SPHKAP: variants seen among roughly 807,000 people sequenced by gnomAD.
SPHKAP encodes SPHK1 interactor, AKAP domain containing, also known as A-kinase anchor protein SPHKAP.
A neutral mutation model predicts 137.5 loss-of-function variants in SPHKAP; 67 were observed. That is an observed-to-expected ratio of 0.49 (90% CI 0.40 to 0.60). The LOEUF (loss-of-function observed/expected upper bound fraction) is 0.60. Among genes scored for constraint, SPHKAP ranks in the 20% least tolerant of loss-of-function variants. SPHKAP has a pLI of 0.00. For synonymous variants in SPHKAP, 813 were observed against 785.3 expected, an observed-to-expected ratio of 1.04 and a Z score of -0.59; for missense variants, 2,097 against 2,069.3, an observed-to-expected ratio of 1.01 and a Z score of -0.26.
chr2:228,089,054 T>C (rs187107566), intron 3 of SPHKAP, among the ~76,000 whole-genome samples: 143 of 152,302 alleles, frequency 9.4e-4, no homozygotes, highest in African/African-American at 3.3e-3. Flanking sequence ...GTGGGAAAAG[T>C]TGAGAGGGCT....
intron 1 of SPHKAP, among the ~76,000 whole-genome samples, chr2:228,151,134 CCATGTGTTCT>C (rs1559201744): frequency 6.8e-6 from 1 of 147,596 alleles, no homozygotes; most frequent in East Asian, 2.1e-4. Flanking sequence ...CTTCCTGTGT[CCATGTGTTCT>C]CATTGTTCTA....
chr2:228,111,528 A>G (rs923941868), intron 2 of SPHKAP, among the ~76,000 whole-genome samples: 2 of 152,192 alleles, frequency 1.3e-5, no homozygotes, highest in African/African-American at 4.8e-5. Context: ...AATTTTCTTT[A>G]GCAAATATTC....
intron 3 of SPHKAP, among the ~76,000 whole-genome samples, chr2:228,099,516 TG>T (rs1416596847): frequency 6.6e-6 from 1 of 152,184 alleles, no homozygotes; most frequent in African/African-American, 2.4e-5. Flanking sequence ...GCTCTTTTTT[TG>T]GTTCCATATT....
chr2:228,000,929 G>C (rs1039393040), intron 7 of SPHKAP, among the ~76,000 whole-genome samples: 4 of 152,060 alleles, frequency 2.6e-5, no homozygotes, highest in Non-Finnish European at 4.4e-5. Flanking sequence ...GGGTCGTATG[G>C]TAAGAGTATC....
At position 227,981,194 on chromosome 2, in the gene SPHKAP, T is replaced by C. The variant is rs1574702141; in HGVS notation, c.*523A>G. 6.6e-6 allele frequency: 1 copy of C among 152,398 alleles called. No homozygotes were observed. The highest frequency in any genetic ancestry group is 1.5e-5 in the Non-Finnish European group (1 of 68,080). 9.4% of individuals were successfully genotyped at this position (152,398 alleles called of 1,614,324 possible). On this transcript the variant is annotated 3_prime_UTR_variant, in exon 12 of 12. Transcript: ENST00000392056. ...TTTTATCAATGTCTACTGACATTGA[T>C]TTGAAAGTGGAAATCTTTTGTATAA...
intron 2 of SPHKAP, among the ~76,000 whole-genome samples, chr2:228,122,390 G>GAAC (rs2106364284): frequency 6.6e-6 from 1 of 152,284 alleles, no homozygotes; most frequent in Non-Finnish European, 1.5e-5. Context: ...ATAGAGAACA[G>GAAC]AACAAGGTTG....
intron 1 of SPHKAP, among the ~76,000 whole-genome samples, chr2:228,148,338 G>A (rs1444900820): frequency 6.6e-6 from 1 of 152,158 alleles, no homozygotes; most frequent in Non-Finnish European, 1.5e-5. Context: ...GGAATGCTCT[G>A]CCTAACTAAA....
intron 1 of SPHKAP, among the ~76,000 whole-genome samples, chr2:228,158,660 T>A (rs945972007): frequency 9.2e-5 from 14 of 152,170 alleles, no homozygotes; most frequent in Non-Finnish European, 1.6e-4. Context: ...CTCTAAGATT[T>A]TCAGTCTAGA....
At chr2:227,996,280 A>T (rs577507574) in intron 7 of SPHKAP, 1 of 209,970 alleles carries the variant, frequency 4.8e-6, no homozygotes, top group African/African-American at 2.4e-5. Context: ...TCCCTCTGAA[A>T]CCCCTGATTT....
intron 3 of SPHKAP, among the ~76,000 whole-genome samples, chr2:228,053,670 T>A (rs1274125856): frequency 6.6e-6 from 1 of 152,212 alleles, no homozygotes; most frequent in African/African-American, 2.4e-5. Flanking sequence ...GAGTCCTGGT[T>A]ATGTGCCTGC....
At chr2:227,991,579 GGT>G (rs1693417116) in intron 9 of SPHKAP, 1 of 985,380 alleles carries the variant, frequency 1.0e-6, no homozygotes, top group Non-Finnish European at 1.2e-6. Context: ...TAGGATAGCT[GGT>G]GTGGGAGACT....
intron 5 of SPHKAP, 83 bp downstream of exon 5, chr2:228,025,311 A>G (rs1694992792): frequency 7.3e-6 from 10 of 1,368,076 alleles, no homozygotes; most frequent in Non-Finnish European, 9.8e-6. Context: ...GCTTATGTGT[A>G]GCATCTGTTT....
At chr2:228,054,453 G>T (rs1696368020) in intron 3 of SPHKAP, among the ~76,000 whole-genome samples, 1 of 152,044 alleles carries the variant, frequency 6.6e-6, no homozygotes, top group African/African-American at 2.4e-5. Flanking sequence ...TAGAATAGAA[G>T]TATAGAATAA....
At chr2:228,030,554 A>AAT (rs35994324) in intron 3 of SPHKAP, among the ~76,000 whole-genome samples, 1 of 140,176 alleles carries the variant, frequency 7.1e-6, no homozygotes, top group Admixed American at 7.4e-5. Flanking sequence ...AAAAAAAAAA[A>AAT]AATAAAAAAA....
chr2:228,142,022 A>G (rs1349387058), intron 1 of SPHKAP, among the ~76,000 whole-genome samples: 1 of 152,180 alleles, frequency 6.6e-6, no homozygotes, highest in Non-Finnish European at 1.5e-5. Context: ...TGCTTCACTT[A>G]TCACAAACAC....
chr2:228,040,603 T>G (rs1264614665), intron 3 of SPHKAP, among the ~76,000 whole-genome samples: 1 of 152,162 alleles, frequency 6.6e-6, no homozygotes, highest in Non-Finnish European at 1.5e-5. Context: ...TAAAAATAAT[T>G]TTGAACTGCA....
intron 7 of SPHKAP, 96 bp downstream of exon 7, chr2:228,016,310 A>C: frequency 6.8e-7 from 1 of 1,472,702 alleles, no homozygotes; most frequent in Non-Finnish European, 8.9e-7. Flanking sequence ...TTCTTGCACC[A>C]ATCAAATCCT....
intron 2 of SPHKAP, among the ~76,000 whole-genome samples, chr2:228,122,334 A>G (rs10191681): frequency 0.34 from 51,760 of 151,710 alleles, 9,082 homozygotes; most frequent in East Asian, 0.5. Flanking sequence ...GGTTCCTTCC[A>G]GGGGCTCTTC....
At chr2:228,027,779 A>G (rs1301318207) in intron 3 of SPHKAP, among the ~76,000 whole-genome samples, 2 of 152,016 alleles carry the variant, frequency 1.3e-5, no homozygotes, top group East Asian at 3.9e-4. Flanking sequence ...CATCCTGGCC[A>G]ACATGGTGAA....
Sources: gnomAD v4.1 joint callset for allele counts (sites outside exome capture counted in the v4.1 genomes callset) on GRCh38, gnomAD v4.1.1 for gene constraint, MANE v1.5 for transcripts, NCBI Gene and HGNC (gene_info 2026-07-23, HGNC 2026-07-21) for gene names.